ATF2: variants seen among roughly 807,000 people sequenced by gnomAD.
ATF2 encodes the protein cyclic AMP-dependent transcription factor ATF-2.
A neutral mutation model predicts 60.6 loss-of-function variants in ATF2; 24 were observed. That is an observed-to-expected ratio of 0.40 (90% CI 0.29 to 0.56). ATF2 has a LOEUF of 0.56. ATF2 is among the 20% of genes least tolerant of loss of function. The pLI, the probability that ATF2 is intolerant of heterozygous loss-of-function variation, is 0.54. For synonymous variants in ATF2, 206 were observed against 215.4 expected (o/e 0.96, Z 0.38); for missense variants, 433 against 607.7 (o/e 0.71, Z 3.02).
At chr2:175,163,912 C>A (rs1162826687) in intron 1 of ATF2, among the ~76,000 whole-genome samples, 1 of 2,398 alleles carries the variant, frequency 4.2e-4, no homozygotes, top group Non-Finnish European at 1.0e-3. Context: ...CATAGCAACT[C>A]CGTCTCAAAA....
At chr2:175,124,675 A>AC (rs1338454124) in intron 4 of ATF2, among the ~76,000 whole-genome samples, 1 of 151,544 alleles carries the variant, frequency 6.6e-6, no homozygotes, top group Admixed American at 6.6e-5. Flanking sequence ...TCATGCACAC[A>AC]CACGCACACA....
intron 8 of ATF2, chr2:175,114,342 T>A: frequency 7.9e-7 from 1 of 1,263,222 alleles, no homozygotes; most frequent in South Asian, 2.5e-5. Context: ...AATCTCCAAT[T>A]TGTAAAATGA....
intron 13 of ATF2, chr2:175,080,228 C>T (rs1334225706): frequency 6.6e-6 from 1 of 152,284 alleles, no homozygotes; most frequent in Non-Finnish European, 1.5e-5. Flanking sequence ...ACAATAGGAT[C>T]TGATACCTTA....
At chr2:175,165,257 G>A (rs1165001502) in intron 1 of ATF2, among the ~76,000 whole-genome samples, 1 of 152,134 alleles carries the variant, frequency 6.6e-6, no homozygotes, top group East Asian at 1.9e-4. Context: ...AGGTTCTGAT[G>A]AAAATCTGGT....
intron 1 of ATF2, among the ~76,000 whole-genome samples, chr2:175,163,442 T>A (rs879120334): frequency 2.0e-5 from 3 of 152,166 alleles, no homozygotes; most frequent in Non-Finnish European, 4.4e-5. Context: ...TTGTTGAGAA[T>A]CTCTGTGGTA....
intron 4 of ATF2, among the ~76,000 whole-genome samples, chr2:175,124,971 A>T (rs1179156152): frequency 1.3e-5 from 2 of 152,086 alleles, no homozygotes; most frequent in Admixed American, 1.3e-4. Context: ...TGAGGCATAC[A>T]AGAAAAGATT....
intron 1 of ATF2, among the ~76,000 whole-genome samples, chr2:175,159,963 T>C (rs959650738): frequency 1.3e-5 from 2 of 152,232 alleles, no homozygotes; most frequent in Non-Finnish European, 2.9e-5. Flanking sequence ...GAGAAACTTA[T>C]TTTTTGTAAA....
chr2:175,161,329 T>C (rs944233313), intron 1 of ATF2, among the ~76,000 whole-genome samples: 2 of 152,256 alleles, frequency 1.3e-5, no homozygotes, highest in African/African-American at 2.4e-5. Context: ...CCTGGAGGGC[T>C]AGGCTAGATT....
At chr2:175,133,738 G>C (rs746153206) in intron 3 of ATF2, among the ~76,000 whole-genome samples, 1 of 152,120 alleles carries the variant, frequency 6.6e-6, no homozygotes, top group Admixed American at 6.5e-5. Flanking sequence ...CAAAGCATAA[G>C]TTTCTAGAAG....
At chr2:175,143,878 C>T (rs1395841419) in intron 2 of ATF2, among the ~76,000 whole-genome samples, 1 of 152,070 alleles carries the variant, frequency 6.6e-6, no homozygotes, top group Non-Finnish European at 1.5e-5. Flanking sequence ...CTACAGGCTC[C>T]ACCTTCTCAG....
chr2:175,075,649 G>A (rs1160575085), intron 13 of ATF2, among the ~76,000 whole-genome samples: 2 of 152,114 alleles, frequency 1.3e-5, no homozygotes, highest in East Asian at 3.8e-4. Context: ...TATAGTATAT[G>A]TAAGTTATGA....
intron 3 of ATF2, among the ~76,000 whole-genome samples, chr2:175,132,922 C>T (rs1697839600): frequency 6.6e-6 from 1 of 151,798 alleles, no homozygotes; most frequent in South Asian, 2.1e-4. Context: ...CCTGTCTCTA[C>T]TAAAAATTAA....
At chr2:175,127,008 G>A (rs1697381183) in intron 4 of ATF2, 2 of 152,192 alleles carry the variant, frequency 1.3e-5, no homozygotes, top group Non-Finnish European at 2.9e-5. Context: ...AAGGTAGGCA[G>A]ATGGCTTGAG....
intron 10 of ATF2, among the ~76,000 whole-genome samples, chr2:175,110,199 G>C (rs191963951): frequency 3.3e-5 from 5 of 152,252 alleles, no homozygotes; most frequent in Non-Finnish European, 5.9e-5. Context: ...GCCAGGCATG[G>C]TGGTGCACAC....
At chr2:175,077,848 G>C (rs995219460) in intron 13 of ATF2, among the ~76,000 whole-genome samples, 1 of 152,132 alleles carries the variant, frequency 6.6e-6, no homozygotes, top group South Asian at 2.1e-4. Context: ...GTAATCACAA[G>C]CACTAGAGAG....
intron 2 of ATF2, among the ~76,000 whole-genome samples, chr2:175,136,781 T>G (rs1698169217): frequency 6.6e-6 from 1 of 152,128 alleles, no homozygotes; most frequent in South Asian, 2.1e-4. Flanking sequence ...AGTAAAAAAA[T>G]CCTTACTTTG....
At chr2:175,113,921 A>G in intron 9 of ATF2, 73 bp downstream of exon 9, 1 of 1,282,876 alleles carries the variant, frequency 7.8e-7, no homozygotes, top group Middle Eastern at 1.9e-4. Context: ...TAAGCCAGTC[A>G]AGCAGCCAAC....
chr2:175,117,996 A>T lies in ATF2; in HGVS notation c.441T>A (p.Asp147Glu). The T allele has an allele frequency of 6.3e-7, 1 of 1,598,792 alleles. No homozygotes were observed. The highest frequency in any genetic ancestry group is 1.1e-5 in the South Asian group (1 of 87,400). Residue 147 changes from aspartate to glutamate, a missense_variant, in exon 7 of 14, where the codon GAT becomes GAA. Coordinates refer to ENST00000264110, the MANE Select transcript of ATF2 (RefSeq NM_001880.4). ...PLPHPESTTS[D>E]EKEVPLAQTA... ...ATTTCTAAAAATTTCTAACCTTCTC[A>T]TCACTGGTAGTAGACTCTGGGTGAG... is the stretch of plus-strand genomic sequence containing the variant.
At chr2:175,095,627 TAATTCATTCTATTTCATTCAGAA>T (rs1694884383) in intron 11 of ATF2, among the ~76,000 whole-genome samples, 1 of 152,204 alleles carries the variant, frequency 6.6e-6, no homozygotes, top group East Asian at 1.9e-4. Flanking sequence ...CCATGTCTAT[TAATTCATTCTATTTCATTCAGAA>T]AATCCTTATA....
Sources: allele counts gnomAD v4.1 joint callset (sites outside exome capture counted in the v4.1 genomes callset), GRCh38; gene constraint gnomAD v4.1.1; transcripts MANE v1.5; gene names NCBI Gene and HGNC (gene_info 2026-07-23, HGNC 2026-07-21).